The following ADAM12 variants were observed in gnomAD, a reference collection of about 807,000 sequenced individuals.
The protein encoded by ADAM12 is disintegrin and metalloproteinase domain-containing protein 12.
In ADAM12, 70 loss-of-function variants were observed where a neutral mutation model predicts 106.4. The observed-to-expected ratio is 0.66, with a 90% confidence interval of 0.54 to 0.80. The LOEUF is 0.80. Ranked by LOEUF, ADAM12 falls within the 30% of genes least tolerant of loss-of-function variation. The probability of loss-of-function intolerance (pLI) is 0.00; values close to 1 mark genes in which losing one functional copy is unlikely to be tolerated. For missense variants in ADAM12, 1,010 were observed against 1,171.9 expected (o/e 0.86, Z 2.02); for synonymous variants, 420 against 433.5 (o/e 0.97, Z 0.39).
chr10:126,211,637 T>A (rs1014066751), intron 3 of ADAM12, among the ~76,000 whole-genome samples: 3 of 151,386 alleles, frequency 2.0e-5, no homozygotes, highest in East Asian at 1.9e-4. Context: ...ACCATGTGAG[T>A]CTGAACCCAC....
intron 3 of ADAM12, among the ~76,000 whole-genome samples, chr10:126,249,631 G>C (rs1309336831): frequency 6.6e-6 from 1 of 152,162 alleles, no homozygotes. Flanking sequence ...GTCAACCCGG[G>C]AGGCGGAGCT....
rs139026512 is a variant in ADAM12, at chr10:126,202,499, T to TTCTC, written c.261-47198_261-47195dup. On this transcript the variant is annotated intron_variant, in intron 3 of 22. Coordinates refer to ENST00000448723, the MANE Select transcript of ADAM12 (RefSeq NM_001288973.2). ...GAAAAACCCCAAAATGCTCTACTAC[T>TTCTC]TCTCTCTCTCTCTCTCTCTCTCTTT... Among the ~76,000 whole-genome samples, 649 of 149,540 alleles carry TTCTC rather than the reference T, an allele frequency of 4.3e-3. 4 individuals carry two copies. Among genetic ancestry groups the TTCTC allele is most frequent in the Non-Finnish European group, 7.2e-3 (481 of 67,170 alleles).
chr10:126,082,398 T>C (rs1955244398), intron 11 of ADAM12, among the ~76,000 whole-genome samples: 2 of 126,246 alleles, frequency 1.6e-5, no homozygotes, highest in South Asian at 5.2e-4. Context: ...ATGTGGAGTT[T>C]CGCTCTGTAG....
At chr10:126,042,381 G>C in intron 18 of ADAM12, 1 of 1,064,978 alleles carries the variant, frequency 9.4e-7, no homozygotes, top group Non-Finnish European at 1.3e-6. Flanking sequence ...GCTACTAAGA[G>C]CTTCTTGGGG....
At chr10:126,201,276 C>T (rs930825268) in intron 3 of ADAM12, among the ~76,000 whole-genome samples, 1 of 152,060 alleles carries the variant, frequency 6.6e-6, no homozygotes, top group Non-Finnish European at 1.5e-5. Context: ...TGAGGTCATA[C>T]TGGAGTAGTG....
intron 3 of ADAM12, among the ~76,000 whole-genome samples, chr10:126,186,104 G>A (rs1374863577): frequency 6.6e-6 from 1 of 152,156 alleles, no homozygotes; most frequent in Non-Finnish European, 1.5e-5. Flanking sequence ...TTGTGGCAAG[G>A]GTGCCCGTTA....
intron 2 of ADAM12, among the ~76,000 whole-genome samples, chr10:126,293,358 G>C (rs932495459): frequency 1.3e-5 from 2 of 152,046 alleles, no homozygotes; most frequent in South Asian, 4.2e-4. Context: ...GGAGCCCAAG[G>C]GGCAAAGCTT....
chr10:126,314,971 TA>T (rs1182713624), intron 2 of ADAM12, among the ~76,000 whole-genome samples: 3 of 152,156 alleles, frequency 2.0e-5, no homozygotes, highest in African/African-American at 7.2e-5. Flanking sequence ...ACTGGTAAGG[TA>T]ATTAACGTTC....
At chr10:126,307,812 C>G (rs1360643825) in intron 2 of ADAM12, among the ~76,000 whole-genome samples, 1 of 152,154 alleles carries the variant, frequency 6.6e-6, no homozygotes, top group Admixed American at 6.5e-5. Context: ...AGGCTGGTCT[C>G]AAACTTCTGA....
intron 21 of ADAM12, among the ~76,000 whole-genome samples, chr10:126,027,911 C>T (rs1953905689): frequency 6.6e-6 from 1 of 152,160 alleles, no homozygotes; most frequent in South Asian, 2.1e-4. Context: ...GTCAAACTAA[C>T]TTTGTTTGCA....
chr10:126,358,490 A>G (rs910555872), intron 1 of ADAM12, among the ~76,000 whole-genome samples: 1 of 152,196 alleles, frequency 6.6e-6, no homozygotes, highest in African/African-American at 2.4e-5. Context: ...GAAGAAATGT[A>G]CCTTAACACA....
At chr10:126,358,730 T>C (rs976506310) in intron 1 of ADAM12, among the ~76,000 whole-genome samples, 18 of 152,186 alleles carry the variant, frequency 1.2e-4, no homozygotes, top group African/African-American at 4.3e-4. Flanking sequence ...ACGTGTTTCT[T>C]CATGTTAAAA....
At chr10:126,025,289 G>GC (rs1431539927) in intron 21 of ADAM12, among the ~76,000 whole-genome samples, 1 of 152,134 alleles carries the variant, frequency 6.6e-6, no homozygotes, top group East Asian at 1.9e-4. Context: ...ATTCAAAGAA[G>GC]CTAGGAATCA....
intron 8 of ADAM12, among the ~76,000 whole-genome samples, chr10:126,101,566 A>G (rs1021095794): frequency 2.6e-5 from 4 of 152,252 alleles, no homozygotes; most frequent in Non-Finnish European, 4.4e-5. Context: ...TGTGTATTAT[A>G]GCTAAAGATG....
chr10:126,146,878 T>G (rs1956637917), intron 4 of ADAM12, among the ~76,000 whole-genome samples: 6 of 152,246 alleles, frequency 3.9e-5, no homozygotes. Context: ...GAGATGTGCG[T>G]GATCTCTGAC....
chr10:126,065,075 C>T (rs1954839753), intron 13 of ADAM12, 74 bp from the exon 14 acceptor site: 1 of 1,469,598 alleles, frequency 6.8e-7, no homozygotes, highest in South Asian at 1.4e-5. Flanking sequence ...TACTCCTGGG[C>T]TGGAGTGGAC....
chr10:126,226,207 G>A (rs1432718992), intron 3 of ADAM12, among the ~76,000 whole-genome samples: 1 of 147,152 alleles, frequency 6.8e-6, no homozygotes, highest in Non-Finnish European at 1.5e-5. Context: ...GGGGGCGGGG[G>A]GAGTGGGGTG....
At chr10:126,219,550 G>A (rs79168235) in intron 3 of ADAM12, among the ~76,000 whole-genome samples, 9 of 152,132 alleles carry the variant, frequency 5.9e-5, no homozygotes, top group East Asian at 1.9e-4. Context: ...GTGTTACTAC[G>A]CTATTATATT....
intron 6 of ADAM12, among the ~76,000 whole-genome samples, chr10:126,116,435 G>A (rs1955984381): frequency 2.6e-5 from 4 of 152,120 alleles, no homozygotes; most frequent in Non-Finnish European, 2.9e-5. Context: ...GACCCCAGAG[G>A]CTGATCTTTA....
Sources: allele counts gnomAD v4.1 joint callset (sites outside exome capture counted in the v4.1 genomes callset), GRCh38; gene constraint gnomAD v4.1.1; transcripts MANE v1.5; gene names NCBI Gene and HGNC (gene_info 2026-07-23, HGNC 2026-07-21).